Variants in DGKI observed in about 807,000 individuals in gnomAD.
DGKI encodes the protein DAG kinase iota.
In DGKI, 55 loss-of-function variants were observed where a neutral mutation model predicts 147.5. That is an observed-to-expected ratio of 0.37 (90% CI 0.30 to 0.47). The LOEUF (loss-of-function observed/expected upper bound fraction) is 0.47. Among genes scored for constraint, DGKI ranks in the 20% least tolerant of loss-of-function variants. The pLI, the probability that DGKI is intolerant of heterozygous loss-of-function variation, is 1.00. For missense variants in DGKI, 1,007 were observed against 1,323.8 expected, an observed-to-expected ratio of 0.76 and a Z score of 3.71; for synonymous variants, 469 against 477.1, an observed-to-expected ratio of 0.98 and a Z score of 0.22.
chr7:137,647,144 C>T (rs1440340095), intron 5 of DGKI, among the ~76,000 whole-genome samples: 2 of 152,080 alleles, frequency 1.3e-5, no homozygotes, highest in Non-Finnish European at 2.9e-5. Flanking sequence ...GTACTGTGAG[C>T]CATGCGCTTT....
chr7:137,612,677 C>G (rs1258145834), intron 8 of DGKI, among the ~76,000 whole-genome samples: 2 of 151,998 alleles, frequency 1.3e-5, no homozygotes, highest in Non-Finnish European at 2.9e-5. Context: ...GCACGCTTTT[C>G]GAGAATGTTA....
At chr7:137,564,643 T>C (rs28561942) in intron 19 of DGKI, among the ~76,000 whole-genome samples, 2 of 152,204 alleles carry the variant, frequency 1.3e-5, no homozygotes, top group African/African-American at 2.4e-5. Flanking sequence ...TGTAAGGACA[T>C]AATTGTCTGT....
intron 1 of DGKI, among the ~76,000 whole-genome samples, chr7:137,765,127 G>T (rs1161470003): frequency 6.6e-6 from 1 of 152,192 alleles, no homozygotes; most frequent in Non-Finnish European, 1.5e-5. Flanking sequence ...TTGAAGAGGG[G>T]TGTTACTTCC....
intron 5 of DGKI, among the ~76,000 whole-genome samples, chr7:137,649,930 T>C (rs1041103951): frequency 6.6e-6 from 1 of 151,920 alleles, no homozygotes; most frequent in Non-Finnish European, 1.5e-5. Flanking sequence ...TGTCAGGCAC[T>C]ATGCAAATGC....
At chr7:137,566,572 T>G (rs1418252537) in intron 19 of DGKI, among the ~76,000 whole-genome samples, 1 of 152,232 alleles carries the variant, frequency 6.6e-6, no homozygotes, top group African/African-American at 2.4e-5. Flanking sequence ...TGAGATTCAA[T>G]CATGCATTTG....
chr7:137,736,846 A>G (rs1795037307), intron 1 of DGKI, among the ~76,000 whole-genome samples: 1 of 152,150 alleles, frequency 6.6e-6, no homozygotes, highest in Non-Finnish European at 1.5e-5. Flanking sequence ...TGATTAAATT[A>G]ATCAGAGGTC....
intron 27 of DGKI, among the ~76,000 whole-genome samples, chr7:137,451,853 T>C (rs1813977361): frequency 6.6e-6 from 1 of 152,182 alleles, no homozygotes; most frequent in Non-Finnish European, 1.5e-5. Flanking sequence ...ACTCTATGCA[T>C]ATTTTGCTTT....
chr7:137,433,819 C>T (rs932250040), intron 28 of DGKI, among the ~76,000 whole-genome samples: 2 of 152,190 alleles, frequency 1.3e-5, no homozygotes, highest in Non-Finnish European at 2.9e-5. Context: ...CATCTTTCCA[C>T]TTAAAAGTAA....
chr7:137,560,975 CTAAAGA>C (rs141378021), intron 19 of DGKI, among the ~76,000 whole-genome samples: 8,790 of 152,104 alleles, frequency 0.058, 606 homozygotes, highest in African/African-American at 0.17. Flanking sequence ...AGGTTTAAAA[CTAAAGA>C]TAAACTAGTA....
intron 5 of DGKI, among the ~76,000 whole-genome samples, chr7:137,648,798 G>T (rs1821921580): frequency 6.6e-6 from 1 of 151,932 alleles, no homozygotes. Flanking sequence ...TATATAATTT[G>T]GTAAGCAGAT....
intron 21 of DGKI, among the ~76,000 whole-genome samples, chr7:137,504,915 A>C (rs2128944390): frequency 6.6e-6 from 1 of 152,314 alleles, no homozygotes; most frequent in South Asian, 2.1e-4. Flanking sequence ...CTCTGTGAAA[A>C]GAGAGTGTTA....
At chr7:137,601,126 C>A (rs1377809843) in intron 10 of DGKI, among the ~76,000 whole-genome samples, 1 of 152,006 alleles carries the variant, frequency 6.6e-6, no homozygotes, top group Non-Finnish European at 1.5e-5. Context: ...AAAAAATTAG[C>A]CGGGCACGGT....
intron 19 of DGKI, among the ~76,000 whole-genome samples, chr7:137,562,699 G>C (rs1818457018): frequency 6.6e-6 from 1 of 151,978 alleles, no homozygotes. Flanking sequence ...ACAAAATAAT[G>C]AACAAGTTTC....
intron 19 of DGKI, among the ~76,000 whole-genome samples, chr7:137,558,232 T>A (rs1374862796): frequency 6.6e-6 from 1 of 152,088 alleles, no homozygotes; most frequent in Non-Finnish European, 1.5e-5. Flanking sequence ...TTTTTTTCAT[T>A]TTATCAAGAA....
chr7:137,394,964 G>C (rs1811494572), intron 32 of DGKI, among the ~76,000 whole-genome samples: 1 of 152,126 alleles, frequency 6.6e-6, no homozygotes, highest in South Asian at 2.1e-4. Flanking sequence ...CTTTCTCTAG[G>C]CTTTTAGCTC....
intron 21 of DGKI, among the ~76,000 whole-genome samples, chr7:137,503,099 C>A (rs1286655438): frequency 6.6e-6 from 1 of 152,160 alleles, no homozygotes; most frequent in East Asian, 1.9e-4. Context: ...GCTCCCCATT[C>A]CTCTCCTTTT....
chr7:137,818,484 T>C (rs1797802657), intron 1 of DGKI, among the ~76,000 whole-genome samples: 1 of 152,178 alleles, frequency 6.6e-6, no homozygotes, highest in African/African-American at 2.4e-5. Flanking sequence ...CTGGAGTGCA[T>C]GGCGCAATCT....
At chr7:137,589,043 T>G (rs974089237) in intron 12 of DGKI, among the ~76,000 whole-genome samples, 4 of 152,096 alleles carry the variant, frequency 2.6e-5, no homozygotes, top group Non-Finnish European at 4.4e-5. Flanking sequence ...AATAAAGAAC[T>G]CAACCCCCTT....
At chr7:137,622,475 G>A (rs898388935) in intron 7 of DGKI, among the ~76,000 whole-genome samples, 2 of 152,068 alleles carry the variant, frequency 1.3e-5, no homozygotes, top group Non-Finnish European at 2.9e-5. Context: ...ATTACAGCAG[G>A]CATCAGCAAA....
Sources: allele counts gnomAD v4.1 joint callset (sites outside exome capture counted in the v4.1 genomes callset), GRCh38; gene constraint gnomAD v4.1.1; transcripts MANE v1.5; gene names NCBI Gene and HGNC (gene_info 2026-07-23, HGNC 2026-07-21).